TOGARAM1: variants seen among roughly 807,000 people sequenced by gnomAD.
TOGARAM1 encodes the protein TOG array regulator of axonemal microtubules 1, also known as TOG array regulator of axonemal microtubules protein 1.
In TOGARAM1, 100 loss-of-function variants were observed where a neutral mutation model predicts 166.6. The ratio of observed to expected loss-of-function variants is 0.60; its 90% CI spans 0.51 to 0.71. TOGARAM1 has a LOEUF of 0.71. Among genes scored for constraint, TOGARAM1 ranks in the 30% least tolerant of loss-of-function variants. The probability of loss-of-function intolerance (pLI) is 0.00; values close to 1 mark genes in which losing one functional copy is unlikely to be tolerated. For synonymous variants in TOGARAM1, 758 were observed against 763.8 expected, an observed-to-expected ratio of 0.99 and a Z score of 0.13; for missense variants, 2,029 against 2,102.7, an observed-to-expected ratio of 0.96 and a Z score of 0.69.
At chr14:45,055,402 G>A (rs982890762) in intron 16 of TOGARAM1, among the ~76,000 whole-genome samples, 2 of 152,132 alleles carry the variant, frequency 1.3e-5, no homozygotes, top group African/African-American at 4.8e-5. Context: ...TTCCATTAAT[G>A]TATGTATCTG....
intron 1 of TOGARAM1, among the ~76,000 whole-genome samples, chr14:44,991,020 C>T (rs1887098609): frequency 7.3e-6 from 1 of 137,296 alleles, no homozygotes; most frequent in Middle Eastern, 4.1e-3. Context: ...AGTGCTGTGG[C>T]ACAGTTATGG....
intron 1 of TOGARAM1, among the ~76,000 whole-genome samples, chr14:44,966,835 G>C (rs559545995): frequency 6.6e-6 from 1 of 152,226 alleles, no homozygotes; most frequent in Admixed American, 6.5e-5. Context: ...CAGGCCTGTA[G>C]TCCCAGCTAC....
rs1188837380 is a variant in TOGARAM1, at chr14:45,028,272, GA to G, written c.3608del (p.Asn1203IlefsTer6). 4 of 1,602,256 alleles carry G rather than the reference GA, an allele frequency of 2.5e-6. No homozygotes were observed. Among genetic ancestry groups the G allele is most frequent in the Non-Finnish European group, 3.4e-6 (4 of 1,176,422 alleles). ...LFHNKDCEKK[E>X]KNSWERMRHT... ...TCACAATAAAGATTGTGAAAAGAAG[GA>G]AAAAAATTCCTGGGAACGAATGAGA... On this transcript the variant is annotated frameshift_variant, in exon 10 of 20. Transcript: ENST00000361462. LOFTEE classifies it high-confidence loss of function.
chr14:45,019,863 G>A (rs1445231812), intron 7 of TOGARAM1, among the ~76,000 whole-genome samples: 1 of 152,168 alleles, frequency 6.6e-6, no homozygotes, highest in African/African-American at 2.4e-5. Flanking sequence ...GTTGGCTGAT[G>A]ACTGCTCTAA....
At chr14:44,972,981 G>C (rs1158166893) in intron 1 of TOGARAM1, among the ~76,000 whole-genome samples, 2 of 152,070 alleles carry the variant, frequency 1.3e-5, no homozygotes, top group African/African-American at 4.8e-5. Flanking sequence ...TAACTTATCA[G>C]TAACATTAAG....
rs539535320 is a variant in TOGARAM1 at position 44,990,915 on chromosome 14, C to T, written c.2047-4831C>T. Among the ~76,000 whole-genome samples the T allele has an allele frequency of 2.6e-4, 37 of 141,894 alleles. No individual in the cohort carries two copies. The East Asian group carries it at 4.0e-3, about 15-fold the overall frequency. 93.1% of individuals were successfully genotyped at this position (141,894 alleles called of 152,430 possible). ...CCTCCCACCTCAGCCTCCCAAAATG[C>T]AGGGATTACAGGTGTGAGCCACTAC... On this transcript the variant is annotated intron_variant, in intron 1 of 19. Transcript: ENST00000361462.
chr14:45,039,974 C>G (rs1881642680), intron 11 of TOGARAM1, among the ~76,000 whole-genome samples: 1 of 152,156 alleles, frequency 6.6e-6, no homozygotes, highest in South Asian at 2.1e-4. Flanking sequence ...TCAATGTGAC[C>G]CAATTAACAT....
intron 7 of TOGARAM1, chr14:45,023,097 C>G (rs755002232): frequency 6.6e-6 from 1 of 152,174 alleles, no homozygotes; most frequent in African/African-American, 2.4e-5. Context: ...GAATTACTTT[C>G]AAGTATTCCA....
chr14:45,034,772 A>C (rs1423624891), intron 11 of TOGARAM1, among the ~76,000 whole-genome samples: 1 of 152,228 alleles, frequency 6.6e-6, no homozygotes, highest in Non-Finnish European at 1.5e-5. Flanking sequence ...TCAAATAACT[A>C]TATCCCAGAA....
chr14:45,044,489 C>T (rs567692354), intron 12 of TOGARAM1, 146 bp from the exon 13 acceptor site: 49 of 612,142 alleles, frequency 8.0e-5, no homozygotes, highest in African/African-American at 1.1e-4. Context: ...TACAGTGAGC[C>T]GAAATCATGC....
chr14:44,982,074 C>G (rs368556278), intron 1 of TOGARAM1, among the ~76,000 whole-genome samples: 1 of 152,196 alleles, frequency 6.6e-6, no homozygotes, highest in East Asian at 1.9e-4. Flanking sequence ...AACTCCTGGC[C>G]TCAGTGTGAT....
At chr14:45,007,651 A>G (rs2138849807) in intron 5 of TOGARAM1, 1 of 152,260 alleles carries the variant, frequency 6.6e-6, no homozygotes, top group Non-Finnish European at 1.5e-5. Context: ...ATCCTCCCTT[A>G]TAGTTGCTAA....
rs1234283960 is a variant in TOGARAM1, at chr14:45,004,300, T to G, written c.2578T>G (p.Ser860Ala). The G allele has an allele frequency of 1.9e-6, 3 of 1,614,012 alleles. No individual in the cohort carries two copies. The South Asian group carries it at 3.3e-5, about 18-fold the overall frequency. The part of the protein sequence containing the change: ...SWPLKSFEGL[S>A]KPSPQKKLVS... ...GCCTCTTAAAAGCTTCGAAGGACTA[T>G]CAAAGCCAAGTCCACAGAAGAAGCT... The change falls in exon 4 of 20, where the codon TCA becomes GCA. Residue 860 changes from serine (S) to alanine (A), a missense_variant. Physicochemically the swap from Ser to Ala is moderately conservative, Grantham distance 99 (BLOSUM62 1). Coordinates refer to ENST00000361462, the MANE Select transcript of TOGARAM1 (RefSeq NM_001308120.2).
At chr14:45,017,857 G>A (rs1880246993) in intron 7 of TOGARAM1, among the ~76,000 whole-genome samples, 1 of 143,770 alleles carries the variant, frequency 7.0e-6, no homozygotes, top group South Asian at 2.1e-4. Flanking sequence ...TGCACTCCTG[G>A]GTGACAAGTG....
Position 45,005,923 on chromosome 14 carries a change from C to T in TOGARAM1, c.2645-85C>T, listed in dbSNP as rs577665787. The T allele has an allele frequency of 1.2e-5, 15 of 1,212,488 alleles. No homozygotes were observed. The Admixed American group carries it at 3.5e-4, about 28-fold the overall frequency. 75.1% of individuals were successfully genotyped at this position (1,212,488 alleles called of 1,614,324 possible). A position where few individuals can be genotyped will look rare whatever the true frequency, so the allele number is the denominator to read the frequency against. ...ATAATGTGCTTTTTTTATTTTAAAACATTGTATTTTAAGCACTTGTGACTA... is the reference window on the plus strand; with the variant it reads ...ATAATGTGCTTTTTTTATTTTAAAATATTGTATTTTAAGCACTTGTGACTA... On this transcript the variant is annotated intron_variant, in intron 4 of 19. Coordinates refer to ENST00000361462, the MANE Select transcript of TOGARAM1 (RefSeq NM_001308120.2).
At chr14:44,973,585 T>G (rs1886014951) in intron 1 of TOGARAM1, among the ~76,000 whole-genome samples, 1 of 149,922 alleles carries the variant, frequency 6.7e-6, no homozygotes, top group Non-Finnish European at 1.5e-5. Context: ...ACTTTCTCTC[T>G]CTCTCTCTCT....
intron 1 of TOGARAM1, among the ~76,000 whole-genome samples, chr14:44,979,267 A>T (rs1393767958): frequency 6.6e-6 from 1 of 152,154 alleles, no homozygotes; most frequent in Non-Finnish European, 1.5e-5. Context: ...TATAAACAAT[A>T]GACATTTATT....
Position 45,073,835 on chromosome 14 carries a change from T to G in TOGARAM1, c.*274T>G. The G allele has an allele frequency of 3.4e-6, 1 of 295,728 alleles. No homozygotes were observed. Among genetic ancestry groups the G allele is most frequent in the Non-Finnish European group, 6.3e-6 (1 of 159,150 alleles). The allele number at this position is 295,728 out of a possible 1,614,324, so 18.3% of individuals were successfully genotyped here. A position where few individuals can be genotyped will look rare whatever the true frequency, so the allele number is the denominator to read the frequency against. Reference sequence around the variant, plus strand: ...ATATTTTTGAGAAAAGTCCTGCTCATTTGCACTATTCTATAGAAACTACAA... The same window carrying G: ...ATATTTTTGAGAAAAGTCCTGCTCAGTTGCACTATTCTATAGAAACTACAA... On this transcript the variant is annotated 3_prime_UTR_variant, in exon 20 of 20. Coordinates refer to ENST00000361462, the MANE Select transcript of TOGARAM1 (RefSeq NM_001308120.2).
Position 44,964,215 on chromosome 14 carries a change from G to T in TOGARAM1, c.1794G>T (p.Gly598=). ...EYAVLMPSSA[G]GRSNHLAHGA... ...CAGTACTGATGCCATCTTCTGCCGG[G>T]GGTAGGTCAAACCATTTGGCACATG... is the stretch of plus-strand genomic sequence containing the variant. The change falls in exon 1 of 20, where the codon GGG becomes GGT. Residue 598 remains glycine (G), a synonymous_variant. Coordinates refer to ENST00000361462, the MANE Select transcript of TOGARAM1 (RefSeq NM_001308120.2). 3 of 1,614,170 alleles carry T rather than the reference G, an allele frequency of 1.9e-6. No individual in the cohort carries two copies. Among genetic ancestry groups the T allele is most frequent in the Non-Finnish European group, 1.7e-6 (2 of 1,180,036 alleles).
Sources: allele counts gnomAD v4.1 joint callset (sites outside exome capture counted in the v4.1 genomes callset), GRCh38; gene constraint gnomAD v4.1.1; transcripts MANE v1.5; gene names NCBI Gene and HGNC (gene_info 2026-07-23, HGNC 2026-07-21).